The following PSTPIP1 variants were observed in gnomAD, a reference collection of about 807,000 sequenced individuals.
PSTPIP1 encodes the protein proline-serine-threonine phosphatase-interacting protein 1.
Under a neutral mutation model 69.6 loss-of-function variants are expected in PSTPIP1, and 66 were observed. The observed-to-expected ratio is 0.95, with a 90% CI of 0.78 to 1.16. The LOEUF (loss-of-function observed/expected upper bound fraction) is 1.16. PSTPIP1 is among the 50% of genes most tolerant of loss of function. PSTPIP1 has a pLI of 0.00. For missense variants in PSTPIP1, 603 were observed against 557.4 expected (o/e 1.08, Z -0.82); for synonymous variants, 266 against 222.7 (o/e 1.19, Z -1.73).
rs368838637 is a variant in PSTPIP1, at chr15:77,035,830, C to T, written c.1014C>T (p.Pro338=). ...AASTETLTPT[P]ERNEGVYTAI... ...CCACAGAGACCCTGACCCCCACCCC[C>T]GAGCGGAATGAGGGTGTCTACACAG... is the stretch of plus-strand genomic sequence containing the variant. The change falls in exon 14 of 15, where the codon CCC becomes CCT. Residue 338 remains proline, a synonymous_variant. Transcript: ENST00000558012. The T allele has an allele frequency of 5.4e-5, 87 of 1,609,744 alleles. No individual in the cohort carries two copies. The highest frequency in any genetic ancestry group is 5.2e-4 in the Middle Eastern group (3 of 5,734).
Position 77,027,812 on chromosome 15 carries a change from A to C in PSTPIP1, c.355-40A>C. 1 of 1,550,198 alleles carries C rather than the reference A, an allele frequency of 6.5e-7. No homozygotes were observed. The highest frequency in any genetic ancestry group is 1.2e-5 in the South Asian group (1 of 83,946). ...CCTCTTGGCCTAGGGGAGCCTCCCG[A>C]GGCCGCGGCCCTCGGCTCAGAACCT... On this transcript the variant is annotated intron_variant, in intron 5 of 14. Transcript: ENST00000558012. The surrounding 1 kb of genome is among the most constrained non-coding windows in gnomAD (Gnocchi z 4.3).
rs2076559998 is a variant in PSTPIP1, at chr15:77,035,942, C to T, written c.1119+7C>T. 1 of 1,588,056 alleles carries T rather than the reference C, an allele frequency of 6.3e-7. No homozygotes were observed. Among genetic ancestry groups the T allele is most frequent in the Non-Finnish European group, 8.6e-7 (1 of 1,169,522 alleles). The stretch of plus-strand genomic sequence containing the variant: ...CTACGATTATACAGCGCAGGTGAGG[C>T]CTCTATACCCCAAACCCACCTGTGC... On this transcript the variant is annotated splice_region_variant and intron_variant, in intron 14 of 14. Coordinates refer to ENST00000558012, the MANE Select transcript of PSTPIP1 (RefSeq NM_003978.5).
Position 77,027,571 on chromosome 15 carries a change from G to T in PSTPIP1, c.355-281G>T, listed in dbSNP as rs1040372060. Among the ~76,000 whole-genome samples the T allele has an allele frequency of 6.6e-6, 1 of 152,174 alleles. No individual in the cohort carries two copies. The highest frequency in any genetic ancestry group is 2.4e-5 in the African/African-American group (1 of 41,436). ...GGATGCAGGATGAACGACTGTGTGC[G>T]CACGTGTGTTGGGGTGGGAACTCCC... On this transcript the variant is annotated intron_variant, in intron 5 of 14. Transcript: ENST00000558012. The surrounding 1 kb of genome is among the most constrained non-coding windows in gnomAD (Gnocchi z 4.3).
At chr15:77,016,092 A>G in intron 1 of PSTPIP1, 1 of 456,058 alleles carries the variant, frequency 2.2e-6, no homozygotes, top group Non-Finnish European at 4.4e-6. Context: ...GCTGGGCTCC[A>G]GGTGGCCTCT....
chr15:77,035,989 C>T, intron 14 of PSTPIP1, 54 bp downstream of exon 14: 2 of 1,522,430 alleles, frequency 1.3e-6, no homozygotes, highest in Non-Finnish European at 8.8e-7. Context: ...CACCTGAGAG[C>T]TCCCTCTCCC....
intron 1 of PSTPIP1, among the ~76,000 whole-genome samples, chr15:77,015,036 G>A (rs1002434385): frequency 3.9e-5 from 6 of 152,314 alleles, no homozygotes; most frequent in African/African-American, 1.2e-4. Context: ...TGGCTGGGCC[G>A]TGACCACTGG....
intron 1 of PSTPIP1, among the ~76,000 whole-genome samples, chr15:77,000,198 A>T (rs2075668571): frequency 6.6e-6 from 1 of 152,156 alleles, no homozygotes; most frequent in Non-Finnish European, 1.5e-5. Context: ...GCAGTGACTC[A>T]CCAGCTTCAC....
intron 13 of PSTPIP1, 34 bp downstream of exon 13, chr15:77,035,597 CTG>C (rs1199791097): frequency 6.4e-7 from 1 of 1,554,120 alleles, no homozygotes; most frequent in Admixed American, 1.9e-5. Context: ...CCCAAACACA[CTG>C]ATCCTGGGGG....
Position 77,037,248 on chromosome 15 carries a change from T to G in PSTPIP1, c.*72T>G, listed in dbSNP as rs561014883. 9 of 1,531,046 alleles carry G rather than the reference T, an allele frequency of 5.9e-6. No individual in the cohort carries two copies. The African/African-American group carries it at 9.6e-5, about 16-fold the overall frequency. The allele number at this position is 1,531,046 out of a possible 1,614,324, so 94.8% of individuals were successfully genotyped here. A position where few individuals can be genotyped will look rare whatever the true frequency, so the allele number is the denominator to read the frequency against. ...CAGTGCCCCCAGCACTGTCCCCACC[T>G]TGCTAGGGCCCAGAACCAAGCGTCC... On this transcript the variant is annotated 3_prime_UTR_variant, in exon 15 of 15. Transcript: ENST00000558012.
At chr15:77,028,036 C>G in intron 6 of PSTPIP1, 122 bp downstream of exon 6, 2 of 950,864 alleles carry the variant, frequency 2.1e-6, no homozygotes, top group Non-Finnish European at 3.2e-6. Context: ...CCTTGGTCCT[C>G]GGACCTCGGC....
intron 6 of PSTPIP1, 140 bp from the exon 7 acceptor site, chr15:77,028,414 C>T: frequency 1.6e-6 from 1 of 640,832 alleles, no homozygotes; most frequent in Non-Finnish European, 2.7e-6. Flanking sequence ...CCCCCAGATC[C>T]CTGTCCCTGG....
At chr15:77,009,886 G>A (rs115916890) in intron 1 of PSTPIP1, among the ~76,000 whole-genome samples, 1,600 of 152,324 alleles carry the variant, frequency 0.011, 34 homozygotes, top group African/African-American at 0.037. Flanking sequence ...AGGTGGTGTG[G>A]GAGGGCAATG....
Position 77,002,795 on chromosome 15 carries a change from C to T in PSTPIP1, c.36+7186C>T, listed in dbSNP as rs73459015. On this transcript the variant is annotated intron_variant, in intron 1 of 14. Transcript: ENST00000558012. ...AAACAAGATCTGCTTCTTGATGACC[C>T]ACTTTGTGCTCCAGTCCCCTGGAAC... Among the ~76,000 whole-genome samples, 811 of 152,302 alleles carry T rather than the reference C, an allele frequency of 5.3e-3. 7 individuals carry two copies. Among genetic ancestry groups the T allele is most frequent in the African/African-American group, 0.019 (769 of 41,554 alleles).
At chr15:76,994,749 A>G (rs1047714943), upstream of PSTPIP1, 3 of 1,288,838 alleles carry the variant, frequency 2.3e-6, no homozygotes, top group African/African-American at 1.5e-5. Flanking sequence ...GGGCTCCTTG[A>G]GGGCAGGACC....
intron 1 of PSTPIP1, among the ~76,000 whole-genome samples, chr15:77,003,327 C>G (rs558204033): frequency 6.6e-6 from 1 of 152,282 alleles, no homozygotes; most frequent in East Asian, 1.9e-4. Flanking sequence ...CACCAGGACT[C>G]TCCTCTGGGT....
chr15:77,036,992 G>A, intron 14 of PSTPIP1, 53 bp from the exon 15 acceptor site: 3 of 1,577,068 alleles, frequency 1.9e-6, no homozygotes, highest in Non-Finnish European at 2.6e-6. Context: ...CCTCCCTGCA[G>A]GCCCTTCCCT....
At chr15:77,018,999 C>A (rs1308925624) in intron 3 of PSTPIP1, among the ~76,000 whole-genome samples, 3 of 152,226 alleles carry the variant, frequency 2.0e-5, no homozygotes, top group African/African-American at 7.2e-5. Flanking sequence ...TGGCTGCTGA[C>A]ACACTCTGTG....
Position 77,037,302 on chromosome 15 carries a change from C to G in PSTPIP1, c.*126C>G. On this transcript the variant is annotated 3_prime_UTR_variant, in exon 15 of 15. Coordinates refer to ENST00000558012, the MANE Select transcript of PSTPIP1 (RefSeq NM_003978.5). Reference sequence around the variant, plus strand: ...AGCCCCGAGAGGGAGCCTGTCGTCTCCCAGGGAATAAAGGAGTGCGTTCTG... The same window carrying G: ...AGCCCCGAGAGGGAGCCTGTCGTCTGCCAGGGAATAAAGGAGTGCGTTCTG... 7.7e-7 allele frequency: 1 copy of G among 1,299,174 alleles called. No individual in the cohort carries two copies. The highest frequency in any genetic ancestry group is 2.7e-4 in the Middle Eastern group (1 of 3,678). 80.5% of individuals were successfully genotyped at this position (1,299,174 alleles called of 1,614,324 possible). A position where few individuals can be genotyped will look rare whatever the true frequency, so the allele number is the denominator to read the frequency against.
chr15:77,033,888 T>C (rs1170710230), intron 12 of PSTPIP1, among the ~76,000 whole-genome samples: 1 of 152,094 alleles, frequency 6.6e-6, no homozygotes, highest in Admixed American at 6.5e-5. Flanking sequence ...ACCCGCAGCC[T>C]CACATGCTAC....
Sources: gnomAD v4.1 joint callset for allele counts (sites outside exome capture counted in the v4.1 genomes callset) on GRCh38, gnomAD v4.1.1 for gene constraint, Gnocchi (gnomAD v3.1) non-coding constraint, MANE v1.5 for transcripts, NCBI Gene and HGNC (gene_info 2026-07-23, HGNC 2026-07-21) for gene names.